Variants in PAICS observed in about 807,000 individuals in gnomAD.
The protein encoded by PAICS is phosphoribosylaminoimidazole carboxylase and phosphoribosylaminoimidazolesuccinocarboxamide synthase.
In PAICS, 33 loss-of-function variants were observed where a neutral mutation model predicts 53.7. The observed-to-expected ratio is 0.61, with a 90% confidence interval of 0.47 to 0.82. The LOEUF (loss-of-function observed/expected upper bound fraction) is 0.82, where lower values mean the gene tolerates loss of function less well. Among genes scored for constraint, PAICS ranks in the 40% least tolerant of loss-of-function variants. PAICS has a pLI of 0.00. For missense variants in PAICS, 394 were observed against 494.1 expected, an observed-to-expected ratio of 0.80 and a Z score of 1.92; for synonymous variants, 141 against 167.2, an observed-to-expected ratio of 0.84 and a Z score of 1.21.
the PAICS span, among the ~76,000 whole-genome samples, chr4:56,414,962 G>A: frequency 1.3e-5 from 2 of 152,118 alleles, no homozygotes; most frequent in Admixed American, 1.3e-4. Context: ...AAATACAACT[G>A]TGCCATCTGA....
upstream of PAICS, chr4:56,436,075 G>T (rs1717919648): frequency 6.7e-7 from 1 of 1,484,738 alleles, no homozygotes; most frequent in Admixed American, 2.3e-5. Flanking sequence ...AGGCGGGGTC[G>T]CGTCTCTGCG....
chr4:56,434,980 G>A (rs1187823249), upstream of PAICS, among the ~76,000 whole-genome samples: 1 of 152,234 alleles, frequency 6.6e-6, no homozygotes, highest in Non-Finnish European at 1.5e-5. Context: ...TACAGGAGCA[G>A]CCACAGGCTC....
At chr4:56,413,898 A>AAAATAAATAAATT in the PAICS span, among the ~76,000 whole-genome samples, 4 of 152,212 alleles carry the variant, frequency 2.6e-5, no homozygotes, top group African/African-American at 9.6e-5. Context: ...ACTCTATCTC[A>AAAATAAATAAATT]AAATAAATAA....
chr4:56,422,482 C>CGTGTGTGTGTGTGT, the PAICS span: 1 of 138,532 alleles, frequency 7.2e-6, no homozygotes, highest in African/African-American at 2.7e-5. Flanking sequence ...TTTTTTTGTA[C>CGTGTGTGTGTGTGT]GTGTGTGTGT....
At chr4:56,442,010 C>G in intron 2 of PAICS, 150 bp downstream of exon 2, 1 of 565,898 alleles carries the variant, frequency 1.8e-6, no homozygotes, top group East Asian at 2.9e-5. Context: ...CCTTAAACTT[C>G]ACTATAACAC....
In PAICS at chr4:56,459,459, G is replaced by A; in HGVS notation, c.1199G>A (p.Ser400Asn). ...GGGTTAAGCAACCATTTGGTATGGA[G>A]CAAACTGCGAGCAAGCATTTTGAAC... ...IFGLSNHLVW[S>N]KLRASILNTW... The change falls in exon 9 of 9, where the codon AGC becomes AAC. Residue 400 changes from serine (S) to asparagine (N), a missense_variant. Transcript: ENST00000512576. 6.2e-7 allele frequency: 1 copy of A among 1,607,906 alleles called. No homozygotes were observed. The highest frequency in any genetic ancestry group is 8.5e-7 in the Non-Finnish European group (1 of 1,175,350).
intron 5 of PAICS, among the ~76,000 whole-genome samples, chr4:56,449,112 G>A (rs1046211444): frequency 1.3e-5 from 2 of 152,186 alleles, no homozygotes; most frequent in Non-Finnish European, 2.9e-5. Context: ...AGGGTCTTAA[G>A]AGGATGGGTA....
upstream of PAICS, among the ~76,000 whole-genome samples, chr4:56,434,914 C>T (rs748447353): frequency 5.3e-5 from 8 of 152,212 alleles, no homozygotes; most frequent in Non-Finnish European, 1.2e-4. Context: ...AGGCCCCGCG[C>T]GAAAACCTTT....
chr4:56,429,842 T>G, the PAICS span, among the ~76,000 whole-genome samples: 1 of 152,212 alleles, frequency 6.6e-6, no homozygotes, highest in Non-Finnish European at 1.5e-5. Context: ...CACCATAGAT[T>G]AGTTTGGGAT....
Position 56,459,377 on chromosome 4 carries a change from G to C in PAICS, c.1117G>C (p.Gly373Arg), listed in dbSNP as rs766164374. 81 of 1,583,254 alleles carry C rather than the reference G, an allele frequency of 5.1e-5. No homozygotes were observed. Among genetic ancestry groups the C allele is most frequent in the East Asian group, 2.3e-5 (1 of 44,286 alleles). ...TTTCCTTGCTGAACCAATAGGTCTT[G>C]GCTGTTCAACCGTACTTTCTCCAGA... Reference protein sequence around the residue: ...WSSLRLPSGLGCSTVLSPEGS... With the variant: ...WSSLRLPSGLRCSTVLSPEGS... Residue 373 changes from glycine (G) to arginine (R), a missense_variant, in exon 9 of 9, where the codon GGC becomes CGC. Gly to Arg is a moderately radical substitution (Grantham distance 125). Around this residue, in one of 3 missense-constraint regions of PAICS, gnomAD observed 95 missense variants for 89.3 expected, o/e 1.06. Coordinates refer to ENST00000512576, the MANE Select transcript of PAICS (RefSeq NM_001079524.2).
the PAICS span, among the ~76,000 whole-genome samples, chr4:56,416,043 C>T: frequency 2.0e-5 from 3 of 146,596 alleles, no homozygotes; most frequent in African/African-American, 7.6e-5. Flanking sequence ...GCACTCCAGC[C>T]TGGGCGACAG....
chr4:56,416,419 T>C, the PAICS span: 45 of 833,450 alleles, frequency 5.4e-5, no homozygotes, highest in Non-Finnish European at 6.4e-5. Flanking sequence ...TGGTTTCTCA[T>C]GTCAGACCAA....
At chr4:56,412,779 C>CTGG in the PAICS span, among the ~76,000 whole-genome samples, 2 of 152,142 alleles carry the variant, frequency 1.3e-5, no homozygotes. Flanking sequence ...TTCATCATGT[C>CTGG]TCATATGGAA....
At chr4:56,435,123 A>C (rs1283589282), upstream of PAICS, among the ~76,000 whole-genome samples, 1 of 152,152 alleles carries the variant, frequency 6.6e-6, no homozygotes, top group African/African-American at 2.4e-5. Context: ...AGAGCCCCTA[A>C]AAGGCATAAG....
chr4:56,435,979 T>A (rs540976298), upstream of PAICS: 20 of 1,524,362 alleles, frequency 1.3e-5, no homozygotes, highest in South Asian at 2.1e-4. Context: ...GGCCGGGGTA[T>A]GCGAGCTTCC....
the PAICS span, among the ~76,000 whole-genome samples, chr4:56,417,458 T>C: frequency 1.9e-4 from 29 of 152,110 alleles, no homozygotes; most frequent in African/African-American, 6.5e-4. Context: ...CTAAACTCAA[T>C]TATTACTGAA....
upstream of PAICS, among the ~76,000 whole-genome samples, chr4:56,432,787 C>CAA (rs5858378): frequency 4.9e-5 from 4 of 82,434 alleles, no homozygotes; most frequent in African/African-American, 1.6e-4. Flanking sequence ...GACTCTGTCT[C>CAA]AAAAAAAAAA....
intron 1 of PAICS, among the ~76,000 whole-genome samples, chr4:56,438,871 A>C (rs909760904): frequency 6.6e-6 from 1 of 152,234 alleles, no homozygotes; most frequent in African/African-American, 2.4e-5. Context: ...TGTAATAGCC[A>C]CATTTCTAGT....
intron 8 of PAICS, among the ~76,000 whole-genome samples, chr4:56,456,736 T>G: frequency 6.6e-6 from 1 of 151,840 alleles, no homozygotes; most frequent in South Asian, 2.1e-4. Context: ...ACAATGTTTT[T>G]ATATTTCTTT....
Sources: allele counts gnomAD v4.1 joint callset (sites outside exome capture counted in the v4.1 genomes callset), GRCh38; gene constraint gnomAD v4.1.1; regional missense constraint gnomAD v4.1.1; transcripts MANE v1.5; gene names NCBI Gene and HGNC (gene_info 2026-07-23, HGNC 2026-07-21).